GRM7: variants seen among roughly 807,000 people sequenced by gnomAD.
GRM7 encodes the protein glutamate metabotropic receptor 7, also known as metabotropic glutamate receptor 7.
In GRM7, 35 loss-of-function variants were observed where a neutral mutation model predicts 84.5. The observed-to-expected ratio is 0.41, with a 90% CI of 0.32 to 0.55. GRM7 has a LOEUF of 0.55. GRM7 is among the 20% of genes least tolerant of loss of function. GRM7 has a pLI of 0.19. For missense variants in GRM7, 1,003 were observed against 1,194.6 expected (o/e 0.84, Z 2.36); for synonymous variants, 487 against 455.1 (o/e 1.07, Z -0.89).
At chr3:7,308,662 A>G (rs1239745064) in intron 4 of GRM7, among the ~76,000 whole-genome samples, 1 of 152,170 alleles carries the variant, frequency 6.6e-6, no homozygotes, top group Non-Finnish European at 1.5e-5. Flanking sequence ...TTGTGGTGGC[A>G]TTGGAAGGTT....
chr3:6,910,009 C>A (rs1696710908), intron 1 of GRM7, among the ~76,000 whole-genome samples: 1 of 151,866 alleles, frequency 6.6e-6, no homozygotes. Flanking sequence ...ATATTAAATC[C>A]TTATATAGGA....
chr3:7,443,927 G>A (rs1224559204), intron 5 of GRM7, among the ~76,000 whole-genome samples: 7 of 152,092 alleles, frequency 4.6e-5, no homozygotes, highest in Admixed American at 4.6e-4. Context: ...ACATACGTAT[G>A]CAATGCCATT....
chr3:7,053,246 CTTA>C (rs1559408498), intron 1 of GRM7, among the ~76,000 whole-genome samples: 1 of 149,880 alleles, frequency 6.7e-6, no homozygotes. Context: ...CTTTAGTTAT[CTTA>C]TTATTGAATA....
intron 1 of GRM7, among the ~76,000 whole-genome samples, chr3:6,968,375 C>G (rs1048150975): frequency 3.9e-5 from 6 of 152,128 alleles, no homozygotes; most frequent in African/African-American, 1.4e-4. Flanking sequence ...TCTGTAAGGA[C>G]CGTATTCCTA....
At chr3:7,207,841 T>G (rs188391506) in intron 2 of GRM7, among the ~76,000 whole-genome samples, 1 of 152,216 alleles carries the variant, frequency 6.6e-6, no homozygotes. Context: ...GCTACATCTG[T>G]TCAAAAGCAA....
At chr3:7,516,164 C>CAA (rs35256206) in intron 7 of GRM7, among the ~76,000 whole-genome samples, 2,576 of 31,222 alleles carry the variant, frequency 0.083, 239 homozygotes, top group African/African-American at 0.14. Context: ...CACCATATCT[C>CAA]AAAAAAAAAA....
chr3:7,212,668 G>A (rs978986012), intron 2 of GRM7, among the ~76,000 whole-genome samples: 3 of 152,148 alleles, frequency 2.0e-5, no homozygotes, highest in African/African-American at 7.2e-5. Context: ...AAAGCTGAGT[G>A]GAGCAAGAAA....
chr3:7,210,653 C>T (rs1192393892), intron 2 of GRM7, among the ~76,000 whole-genome samples: 3 of 152,084 alleles, frequency 2.0e-5, no homozygotes, highest in Non-Finnish European at 4.4e-5. Context: ...AAATATCTGA[C>T]TGTGTCAGCA....
chr3:7,083,900 C>A (rs149845783), intron 1 of GRM7, among the ~76,000 whole-genome samples: 1 of 152,106 alleles, frequency 6.6e-6, no homozygotes, highest in East Asian at 1.9e-4. Context: ...GAAACACCAG[C>A]AACCTGAGTG....
chr3:7,386,635 A>G (rs1235068742), intron 4 of GRM7, among the ~76,000 whole-genome samples: 1 of 152,196 alleles, frequency 6.6e-6, no homozygotes, highest in East Asian at 1.9e-4. Context: ...ATAGTATTCC[A>G]TGGTGTATAT....
chr3:7,568,583 C>G (rs1230842530), intron 7 of GRM7, among the ~76,000 whole-genome samples: 1 of 152,204 alleles, frequency 6.6e-6, no homozygotes, highest in African/African-American at 2.4e-5. Context: ...CCTTAGCTTG[C>G]AGGGAGGTGT....
rs183614478 is a variant in GRM7 at position 7,253,190 on chromosome 3, C to T, written c.737-45494C>T. Among the ~76,000 whole-genome samples, 722 of 152,178 alleles carry T rather than the reference C, an allele frequency of 4.7e-3. 4 individuals are homozygous for T. The highest frequency in any genetic ancestry group is 0.017 in the African/African-American group (690 of 41,510). On this transcript the variant is annotated intron_variant, in intron 2 of 9. Coordinates refer to ENST00000357716, the MANE Select transcript of GRM7 (RefSeq NM_000844.4). Reference sequence around the variant, plus strand: ...AAATACCAACTTTGTTCATTTACATCAACCCTTCGTCAACTTACATTGTCC... The same window carrying T: ...AAATACCAACTTTGTTCATTTACATTAACCCTTCGTCAACTTACATTGTCC...
chr3:6,927,483 A>AAGAAAGAT lies in GRM7; in HGVS notation c.519+65583_519+65584insTAGAAAGA, dbSNP rs1559333384. Among the ~76,000 whole-genome samples, 246 of 105,196 alleles carry AAGAAAGAT rather than the reference A, an allele frequency of 2.3e-3. 3 individuals are homozygous for AAGAAAGAT. The highest frequency in any genetic ancestry group is 1.6e-3 in the Admixed American group (16 of 9,762). The allele number at this position is 105,196 out of a possible 152,430, so 69.0% of individuals were successfully genotyped here. On this transcript the variant is annotated intron_variant, in intron 1 of 9. Coordinates refer to ENST00000357716, the MANE Select transcript of GRM7 (RefSeq NM_000844.4). ...AGAGAGAGAAAGAAAGAAAGAAAGA[A>AAGAAAGAT]AGAAAGAAAGAAAGAAAGAAAGAAA...
rs112889553 is a variant in GRM7, at chr3:7,515,141, C to T, written c.1515+53419C>T. Among the ~76,000 whole-genome samples, 113 of 148,620 alleles carry T rather than the reference C, an allele frequency of 7.6e-4. 1 individual carries two copies. Among genetic ancestry groups the T allele is most frequent in the African/African-American group, 2.4e-3 (96 of 40,318 alleles). On this transcript the variant is annotated intron_variant, in intron 7 of 9. Coordinates refer to ENST00000357716, the MANE Select transcript of GRM7 (RefSeq NM_000844.4). ...TACACTTGAGAGCCCCTGTTACACA[C>T]GTGAAATGCCCAAGAGATGCCAGTT...
chr3:7,404,120 G>T (rs73810611), intron 4 of GRM7, among the ~76,000 whole-genome samples: 175 of 152,286 alleles, frequency 1.1e-3, no homozygotes, highest in African/African-American at 4.2e-3. Context: ...ATTCCAGTGT[G>T]TAGACCAGGG....
At chr3:7,722,868 G>A (rs1458062207) in intron 9 of GRM7, among the ~76,000 whole-genome samples, 1 of 152,178 alleles carries the variant, frequency 6.6e-6, no homozygotes, top group East Asian at 1.9e-4. Context: ...AATACATAGA[G>A]AAGACTGACT....
chr3:7,624,987 C>T (rs758012426), intron 8 of GRM7, among the ~76,000 whole-genome samples: 11 of 152,252 alleles, frequency 7.2e-5, no homozygotes, highest in Non-Finnish European at 1.6e-4. Flanking sequence ...GAAAGGATAA[C>T]AAGTAATAGC....
At chr3:7,611,205 A>G (rs1696831289) in intron 8 of GRM7, among the ~76,000 whole-genome samples, 1 of 152,180 alleles carries the variant, frequency 6.6e-6, no homozygotes, top group Non-Finnish European at 1.5e-5. Context: ...GATTATTGCG[A>G]AAGATTTAAG....
At position 7,164,315 on chromosome 3, in the gene GRM7, C is replaced by T. The variant is rs182307843; in HGVS notation, c.736+17647C>T. Among the ~76,000 whole-genome samples the T allele has an allele frequency of 4.2e-3, 632 of 152,244 alleles. 4 individuals carry two copies. Among genetic ancestry groups the T allele is most frequent in the African/African-American group, 0.014 (586 of 41,542 alleles). On this transcript the variant is annotated intron_variant, in intron 2 of 9. Coordinates refer to ENST00000357716, the MANE Select transcript of GRM7 (RefSeq NM_000844.4). ...CAGAGGTTGCAGTGAGCCAAGATCA[C>T]GCCACTGCACTCCAGCCTGGACGAC...
Sources: gnomAD v4.1 joint callset for allele counts (sites outside exome capture counted in the v4.1 genomes callset) on GRCh38, gnomAD v4.1.1 for gene constraint, MANE v1.5 for transcripts, NCBI Gene and HGNC (gene_info 2026-07-23, HGNC 2026-07-21) for gene names.